The following MED13L variants were observed in gnomAD, a reference collection of about 807,000 sequenced individuals.
The protein encoded by MED13L is mediator complex subunit 13L, also known as mediator of RNA polymerase II transcription subunit 13-like.
A neutral mutation model predicts 220.9 loss-of-function variants in MED13L; 7 were observed. That is an observed-to-expected ratio of 0.03 (90% CI 0.02 to 0.06). MED13L has a LOEUF of 0.06. Ranked by LOEUF, MED13L falls within the 10% of genes least tolerant of loss-of-function variation. MED13L has a pLI of 1.00. For missense variants in MED13L, 1,965 were observed against 2,760.5 expected, an observed-to-expected ratio of 0.71 and a Z score of 6.46; for synonymous variants, 1,011 against 1,015.2, an observed-to-expected ratio of 1.00 and a Z score of 0.08.
At chr12:116,005,659 C>T (rs1378550971) in intron 13 of MED13L, among the ~76,000 whole-genome samples, 3 of 152,140 alleles carry the variant, frequency 2.0e-5, no homozygotes, top group East Asian at 3.8e-4. Flanking sequence ...ATACACTACA[C>T]TAATAACCTT....
Position 116,230,466 on chromosome 12 carries a change from C to T in MED13L, c.310+7002G>A, listed in dbSNP as rs547295533. 5.8e-4 allele frequency: 572 copies of T among 983,916 alleles called. 1 individual carries two copies. Among genetic ancestry groups the T allele is most frequent in the Non-Finnish European group, 6.7e-4 (557 of 828,704 alleles). The allele number at this position is 983,916 out of a possible 1,614,324, so 60.9% of individuals were successfully genotyped here. A position where few individuals can be genotyped will look rare whatever the true frequency, so the allele number is the denominator to read the frequency against. The stretch of plus-strand genomic sequence containing the variant: ...TGCACTGTGATACCAATCTAAAATA[C>T]TACAAATCTACAATGCTGCTGCAAA... On this transcript the variant is annotated intron_variant, in intron 2 of 30. Transcript: ENST00000281928.
intron 3 of MED13L, among the ~76,000 whole-genome samples, chr12:116,105,175 T>C (rs1466809518): frequency 1.3e-5 from 2 of 152,288 alleles, no homozygotes; most frequent in East Asian, 1.9e-4. Flanking sequence ...CCAAAGTACT[T>C]TTCCCTAAGG....
chr12:116,256,682 C>CCTTT (rs758485781), intron 1 of MED13L, among the ~76,000 whole-genome samples: 6 of 96,236 alleles, frequency 6.2e-5, no homozygotes, highest in African/African-American at 2.5e-4. Flanking sequence ...AAACAAACTA[C>CCTTT]TTTTTTTTTT....
At chr12:116,193,827 A>G (rs892084680) in intron 2 of MED13L, among the ~76,000 whole-genome samples, 1 of 152,212 alleles carries the variant, frequency 6.6e-6, no homozygotes, top group African/African-American at 2.4e-5. Flanking sequence ...CAAAGAATGT[A>G]ACTCACAAGT....
intron 27 of MED13L, 79 bp downstream of exon 27, chr12:115,970,515 A>G: frequency 2.7e-6 from 4 of 1,476,134 alleles, no homozygotes; most frequent in Non-Finnish European, 3.8e-6. Flanking sequence ...CAGAAAAGCC[A>G]TGCGGCAGCC....
In MED13L at chr12:116,096,800, T is replaced by C. The variant is rs770310488; in HGVS notation, c.396-48A>G. 12 of 1,416,994 alleles carry C rather than the reference T, an allele frequency of 8.5e-6. No individual in the cohort carries two copies. The African/African-American group carries it at 1.5e-4, about 18-fold the overall frequency. The allele number at this position is 1,416,994 out of a possible 1,614,324, so 87.8% of individuals were successfully genotyped here. A position where few individuals can be genotyped will look rare whatever the true frequency, so the allele number is the denominator to read the frequency against. ...TACTTTTATAGTATCAGTAACAAAT[T>C]AGTAAGTCGCTGAAGCAATACACCA... On this transcript the variant is annotated intron_variant, in intron 3 of 30. Transcript: ENST00000281928.
intron 14 of MED13L, among the ~76,000 whole-genome samples, chr12:116,002,794 G>A (rs558051287): frequency 1.3e-5 from 2 of 152,232 alleles, no homozygotes; most frequent in East Asian, 3.9e-4. Flanking sequence ...GAAAACAAAG[G>A]AAAGGAATTC....
chr12:116,092,951 T>C (rs1042993587), intron 4 of MED13L, among the ~76,000 whole-genome samples: 28 of 152,358 alleles, frequency 1.8e-4, no homozygotes, highest in African/African-American at 6.5e-4. Flanking sequence ...ACTTAGCTTC[T>C]GTATACCTGA....
At chr12:115,975,761 T>C (rs775679868) in intron 23 of MED13L, 23 bp from the exon 24 acceptor site, 6 of 1,601,006 alleles carry the variant, frequency 3.7e-6, no homozygotes, top group Admixed American at 1.7e-5. Flanking sequence ...CCAAAATCAA[T>C]ATCAGTACAA....
chr12:116,205,532 GAAAAAAAA>G (rs34982320), intron 2 of MED13L, among the ~76,000 whole-genome samples: 10 of 94,034 alleles, frequency 1.1e-4, no homozygotes, highest in African/African-American at 3.3e-4. Context: ...CAAAGGAAGA[GAAAAAAAA>G]AAAAAAAAAG....
intron 4 of MED13L, among the ~76,000 whole-genome samples, chr12:116,041,582 T>C (rs1351524768): frequency 1.3e-5 from 2 of 152,230 alleles, no homozygotes; most frequent in Non-Finnish European, 2.9e-5. Flanking sequence ...CGGTGGCTCA[T>C]GCCTGCAATC....
intron 4 of MED13L, among the ~76,000 whole-genome samples, chr12:116,094,312 T>C (rs971754436): frequency 1.3e-5 from 2 of 152,240 alleles, no homozygotes; most frequent in Admixed American, 6.5e-5. Flanking sequence ...CAAAATAATT[T>C]ACATTTCTGC....
intron 29 of MED13L, among the ~76,000 whole-genome samples, chr12:115,964,884 G>A (rs1362179640): frequency 6.6e-6 from 1 of 152,154 alleles, no homozygotes; most frequent in Non-Finnish European, 1.5e-5. Flanking sequence ...AACCACATTC[G>A]TGGCAACAGA....
intron 19 of MED13L, among the ~76,000 whole-genome samples, chr12:115,984,583 G>A: frequency 6.6e-6 from 1 of 151,864 alleles, no homozygotes; most frequent in Non-Finnish European, 1.5e-5. Flanking sequence ...CTAAAACTTG[G>A]ACTAGGCTCT....
chr12:116,008,278 G>T, intron 10 of MED13L, 123 bp downstream of exon 10: 1 of 1,323,170 alleles, frequency 7.6e-7, no homozygotes, highest in South Asian at 1.5e-5. Flanking sequence ...TTCCATATCC[G>T]GAGTCAAGAA....
chr12:116,034,598 T>TA (rs1330650042), intron 4 of MED13L, among the ~76,000 whole-genome samples: 1 of 152,200 alleles, frequency 6.6e-6, no homozygotes, highest in African/African-American at 2.4e-5. Context: ...GAAAGGTGAC[T>TA]AGCATAGCAG....
At chr12:116,232,954 G>C (rs1444910932) in intron 2 of MED13L, among the ~76,000 whole-genome samples, 1 of 151,988 alleles carries the variant, frequency 6.6e-6, no homozygotes, top group East Asian at 1.9e-4. Flanking sequence ...AGGTGTGGTG[G>C]CATACACCTG....
intron 27 of MED13L, among the ~76,000 whole-genome samples, chr12:115,970,382 C>T (rs1565984721): frequency 6.6e-6 from 1 of 152,116 alleles, no homozygotes; most frequent in Admixed American, 6.5e-5. Flanking sequence ...AAGTTAATTG[C>T]CCAAACAAGG....
At chr12:116,178,032 T>C (rs1880206240) in intron 2 of MED13L, among the ~76,000 whole-genome samples, 1 of 150,438 alleles carries the variant, frequency 6.6e-6, no homozygotes, top group Non-Finnish European at 1.5e-5. Flanking sequence ...TTTTGTTTGC[T>C]TGTTTGTTTG....
Sources: gnomAD v4.1 joint callset for allele counts (sites outside exome capture counted in the v4.1 genomes callset) on GRCh38, gnomAD v4.1.1 for gene constraint, MANE v1.5 for transcripts, NCBI Gene and HGNC (gene_info 2026-07-23, HGNC 2026-07-21) for gene names.